The following SEMA3A variants were observed in gnomAD, a reference collection of about 807,000 sequenced individuals.
The protein encoded by SEMA3A is semaphorin 3A, also known as semaphorin-3A.
In SEMA3A, 29 loss-of-function variants were observed where a neutral mutation model predicts 97.9. The ratio of observed to expected loss-of-function variants is 0.30; its 90% CI spans 0.22 to 0.40. SEMA3A has a LOEUF of 0.40. Ranked by LOEUF, SEMA3A falls within the 10% of genes least tolerant of loss-of-function variation. SEMA3A has a pLI of 1.00. For synonymous variants in SEMA3A, 321 were observed against 323.7 expected, an observed-to-expected ratio of 0.99 and a Z score of 0.09; for missense variants, 763 against 951.3, an observed-to-expected ratio of 0.80 and a Z score of 2.60.
chr7:84,268,659 C>T (rs912249177), intron 3 of SEMA3A, among the ~76,000 whole-genome samples: 1 of 152,146 alleles, frequency 6.6e-6, no homozygotes, highest in African/African-American at 2.4e-5. Flanking sequence ...TTACAGTCCT[C>T]TGTTACACCA....
intron 4 of SEMA3A, among the ~76,000 whole-genome samples, chr7:84,076,395 A>G (rs1234521198): frequency 6.6e-6 from 1 of 152,196 alleles, no homozygotes; most frequent in Admixed American, 6.5e-5. Context: ...GCTGGTTTGT[A>G]GAAAAACCAC....
At chr7:84,227,351 C>G (rs1282145221) in intron 3 of SEMA3A, among the ~76,000 whole-genome samples, 2 of 151,956 alleles carry the variant, frequency 1.3e-5, no homozygotes, top group Non-Finnish European at 2.9e-5. Flanking sequence ...TAACTTCAAA[C>G]CAGCAAGCAT....
At chr7:84,075,802 T>C (rs1224592363) in intron 4 of SEMA3A, among the ~76,000 whole-genome samples, 1 of 152,154 alleles carries the variant, frequency 6.6e-6, no homozygotes, top group Non-Finnish European at 1.5e-5. Flanking sequence ...TTCTCTATTG[T>C]AGCAGAAATC....
At chr7:84,230,912 T>C (rs753786362) in intron 3 of SEMA3A, among the ~76,000 whole-genome samples, 1 of 152,016 alleles carries the variant, frequency 6.6e-6, no homozygotes, top group Admixed American at 6.6e-5. Flanking sequence ...AGCACTTCCC[T>C]GTTAGCAGTC....
chr7:84,256,511 C>T (rs1273020840), intron 3 of SEMA3A, among the ~76,000 whole-genome samples: 1 of 151,996 alleles, frequency 6.6e-6, no homozygotes, highest in African/African-American at 2.4e-5. Flanking sequence ...ATTTTAGCAT[C>T]TGTCTGAAAG....
chr7:84,150,031 T>A (rs1464943865), intron 1 of SEMA3A, among the ~76,000 whole-genome samples: 1 of 152,180 alleles, frequency 6.6e-6, no homozygotes, highest in Non-Finnish European at 1.5e-5. Flanking sequence ...TAAAAATGAG[T>A]ATCTTTGTCA....
chr7:84,131,066 T>C (rs1449483575), intron 2 of SEMA3A, among the ~76,000 whole-genome samples: 1 of 151,912 alleles, frequency 6.6e-6, no homozygotes, highest in Admixed American at 6.6e-5. Context: ...ATTCTTAGAC[T>C]TAAAAGGGCC....
chr7:84,007,051 C>G (rs1000199309), intron 10 of SEMA3A, among the ~76,000 whole-genome samples: 5 of 151,966 alleles, frequency 3.3e-5, no homozygotes, highest in African/African-American at 1.2e-4. Context: ...CTGCACTTCT[C>G]TACTACCATG....
intron 5 of SEMA3A, among the ~76,000 whole-genome samples, chr7:84,048,777 T>G: frequency 6.6e-6 from 1 of 152,156 alleles, no homozygotes; most frequent in South Asian, 2.1e-4. Flanking sequence ...TTAGAGTAAA[T>G]AATGTAATTA....
chr7:84,000,292 C>T (rs1790388294), intron 12 of SEMA3A, among the ~76,000 whole-genome samples: 1 of 151,990 alleles, frequency 6.6e-6, no homozygotes. Context: ...AGTCATCACT[C>T]TATACCAGAC....
chr7:84,051,585 G>C (rs1407641410), intron 5 of SEMA3A, among the ~76,000 whole-genome samples: 3 of 152,164 alleles, frequency 2.0e-5, no homozygotes, highest in African/African-American at 7.2e-5. Context: ...TGCTGAAGTT[G>C]CTTATCAGCT....
chr7:84,079,964 C>A (rs1223923919), intron 4 of SEMA3A, among the ~76,000 whole-genome samples: 1 of 145,734 alleles, frequency 6.9e-6, no homozygotes. Flanking sequence ...AAATGTCCAA[C>A]AATGATAGAC....
chr7:84,413,669 T>TTAG (rs1562938817), intron 1 of SEMA3A, among the ~76,000 whole-genome samples: 1 of 151,672 alleles, frequency 6.6e-6, no homozygotes, highest in Non-Finnish European at 1.5e-5. Context: ...AACACAAAAC[T>TTAG]TAGTAGTAGT....
chr7:84,144,841 A>G (rs1477452022), intron 1 of SEMA3A, among the ~76,000 whole-genome samples: 1 of 152,178 alleles, frequency 6.6e-6, no homozygotes, highest in Non-Finnish European at 1.5e-5. Flanking sequence ...CAAAATCAAA[A>G]GAGAACAGAT....
intron 1 of SEMA3A, among the ~76,000 whole-genome samples, chr7:84,464,128 G>A (rs1313234504): frequency 6.6e-6 from 1 of 152,142 alleles, no homozygotes; most frequent in African/African-American, 2.4e-5. Flanking sequence ...AAGCTCAGGA[G>A]AGACAGAAAA....
At chr7:83,977,556 A>T (rs943565761) in intron 14 of SEMA3A, among the ~76,000 whole-genome samples, 14 of 151,902 alleles carry the variant, frequency 9.2e-5, no homozygotes, top group Non-Finnish European at 1.8e-4. Flanking sequence ...AAAGCACAAA[A>T]TTTAAAATAA....
chr7:84,308,557 A>T (rs1222832959), intron 2 of SEMA3A, among the ~76,000 whole-genome samples: 1 of 152,198 alleles, frequency 6.6e-6, no homozygotes, highest in Non-Finnish European at 1.5e-5. Flanking sequence ...AATATATGAC[A>T]AGAATGGAGT....
chr7:84,353,144 A>C (rs1264994975), intron 2 of SEMA3A, among the ~76,000 whole-genome samples: 1 of 151,932 alleles, frequency 6.6e-6, no homozygotes, highest in Non-Finnish European at 1.5e-5. Context: ...TTATGTAAAT[A>C]GTTTTTATAT....
intron 2 of SEMA3A, among the ~76,000 whole-genome samples, chr7:84,347,933 A>C (rs1348242397): frequency 1.3e-5 from 2 of 152,148 alleles, no homozygotes; most frequent in Non-Finnish European, 2.9e-5. Flanking sequence ...CGCATAGATG[A>C]TCATCTAAAC....
Sources: gnomAD v4.1 joint callset for allele counts (sites outside exome capture counted in the v4.1 genomes callset) on GRCh38, gnomAD v4.1.1 for gene constraint, MANE v1.5 for transcripts, NCBI Gene and HGNC (gene_info 2026-07-23, HGNC 2026-07-21) for gene names.